Variants in FLACC1 observed in about 807,000 individuals in gnomAD.
FLACC1 encodes the protein flagellum associated containing coiled-coil domains 1.
FLACC1 carries 66 observed loss-of-function variants against 62.8 expected under a neutral mutation model. The ratio of observed to expected loss-of-function variants is 1.05; its 90% CI spans 0.86 to 1.29. FLACC1 has a LOEUF of 1.29. FLACC1 is among the 50% of genes most tolerant of loss of function. FLACC1 has a pLI of 0.00. For synonymous variants in FLACC1, 156 were observed against 161.0 expected (o/e 0.97, Z 0.24); for missense variants, 452 against 489.1 (o/e 0.92, Z 0.71).
At chr2:201,303,961 A>G (rs200718547) in intron 11 of FLACC1, among the ~76,000 whole-genome samples, 1 of 152,216 alleles carries the variant, frequency 6.6e-6, no homozygotes, top group Non-Finnish European at 1.5e-5. Flanking sequence ...TGACAAACCC[A>G]CAGCCAATAT....
intron 7 of FLACC1, among the ~76,000 whole-genome samples, chr2:201,334,919 G>C (rs1376741474): frequency 1.3e-5 from 2 of 152,098 alleles, no homozygotes; most frequent in African/African-American, 4.8e-5. Flanking sequence ...AAGGCACCAG[G>C]TCTGGGTTTT....
At chr2:201,295,540 C>A (rs944071601) in intron 12 of FLACC1, among the ~76,000 whole-genome samples, 45 of 152,248 alleles carry the variant, frequency 3.0e-4, no homozygotes, top group African/African-American at 1.0e-3. Context: ...AAATGTTAGA[C>A]CTAAAACCAT....
chr2:201,289,279 C>T (rs1949670405), intron 14 of FLACC1, among the ~76,000 whole-genome samples, 178 bp downstream of exon 14: 1 of 152,232 alleles, frequency 6.6e-6, no homozygotes. Flanking sequence ...CACTCCACCT[C>T]AAGTGAACTA....
At chr2:201,318,754 T>C (rs183447095) in intron 9 of FLACC1, among the ~76,000 whole-genome samples, 3 of 152,212 alleles carry the variant, frequency 2.0e-5, no homozygotes, top group Non-Finnish European at 4.4e-5. Context: ...TATGATAGAA[T>C]ACTACTCAGT....
intron 14 of FLACC1, 50 bp from the exon 15 acceptor site, chr2:201,288,831 G>T: frequency 6.3e-7 from 1 of 1,598,042 alleles, no homozygotes; most frequent in African/African-American, 1.3e-5. Flanking sequence ...AAGCTAGAAA[G>T]GGTATAGGAT....
At chr2:201,341,585 A>C (rs554763366) in intron 7 of FLACC1, among the ~76,000 whole-genome samples, 7 of 151,468 alleles carry the variant, frequency 4.6e-5, no homozygotes, top group Non-Finnish European at 8.8e-5. Context: ...TACTATATAC[A>C]TATAGTAAAA....
chr2:201,352,192 G>A (rs1415597382), intron 1 of FLACC1: 1 of 152,102 alleles, frequency 6.6e-6, no homozygotes, highest in East Asian at 1.9e-4. Context: ...CTCACTGAAG[G>A]GAAGAGAAAT....
At chr2:201,332,726 C>T (rs76165463) in intron 7 of FLACC1, among the ~76,000 whole-genome samples, 3,255 of 152,168 alleles carry the variant, frequency 0.021, 42 homozygotes, top group Non-Finnish European at 0.029. Context: ...CCCCCACCCC[C>T]TAGTCTCTTT....
At chr2:201,341,343 T>C (rs1194041160) in intron 7 of FLACC1, among the ~76,000 whole-genome samples, 1 of 151,294 alleles carries the variant, frequency 6.6e-6, no homozygotes, top group African/African-American at 2.4e-5. Context: ...CCTTTAAAAA[T>C]AAATTTTATT....
chr2:201,354,796 G>C (rs1197057708), intron 1 of FLACC1, among the ~76,000 whole-genome samples: 1 of 152,206 alleles, frequency 6.6e-6, no homozygotes, highest in Non-Finnish European at 1.5e-5. Context: ...AGAGGCTAAG[G>C]CAGGCCCACT....
Position 201,307,519 on chromosome 2 carries a change from C to T in FLACC1, c.879G>A (p.Glu293=), listed in dbSNP as rs1172811896. The T allele has an allele frequency of 1.2e-6, 2 of 1,613,154 alleles. No individual in the cohort carries two copies. Among genetic ancestry groups the T allele is most frequent in the South Asian group, 2.2e-5 (2 of 91,036 alleles). The change falls in exon 11 of 15, where the codon GAG becomes GAA. Residue 293 remains glutamate (E), a splice_region_variant and synonymous_variant. Transcript: ENST00000392257. Reference sequence around the variant, plus strand: ...ACCAAGGTGCTTTGGGCTGAGTTACCTCCTTCTCTTGAATGAAGTTCTCAA... The same window carrying T: ...ACCAAGGTGCTTTGGGCTGAGTTACTTCCTTCTCTTGAATGAAGTTCTCAA... The part of the protein sequence containing the change: ...AVFENFIQEK[E]ELLKQHQSDT...
Position 201,326,377 on chromosome 2 carries a change from A to G in FLACC1, c.675+4093T>C, listed in dbSNP as rs1375824017. Among the ~76,000 whole-genome samples the G allele has an allele frequency of 1.3e-5, 2 of 152,250 alleles. No homozygotes were observed. Among genetic ancestry groups the G allele is most frequent in the African/African-American group, 4.8e-5 (2 of 41,462 alleles). On this transcript the variant is annotated intron_variant, in intron 9 of 14. Coordinates refer to ENST00000392257, the MANE Select transcript of FLACC1 (RefSeq NM_001127391.3). This position sits in a 1 kb window ranked among gnomAD's most constrained non-coding sequence, Gnocchi z 4.1. Reference sequence around the variant, plus strand: ...TCCAAATTGGAAAAGAAGAAGTCAAACTATTGCTGTTTGAAGATTATATAA... The same window carrying G: ...TCCAAATTGGAAAAGAAGAAGTCAAGCTATTGCTGTTTGAAGATTATATAA...
Position 201,312,239 on chromosome 2 carries a change from T to C in FLACC1, c.676-2989A>G, listed in dbSNP as rs1438835139. On this transcript the variant is annotated intron_variant, in intron 9 of 14. Transcript: ENST00000392257. ...AAACAAGTTCAGTAAAGTTTCAGGA[T>C]ACAAAATCAATGTACAAAAAATAAG... Among the ~76,000 whole-genome samples the C allele has an allele frequency of 3.3e-5, 5 of 152,316 alleles. No individual in the cohort carries two copies. The East Asian group carries it at 9.6e-4, about 29-fold the overall frequency.
chr2:201,333,499 A>C (rs1032506077), intron 7 of FLACC1, among the ~76,000 whole-genome samples: 4 of 151,778 alleles, frequency 2.6e-5, no homozygotes, highest in African/African-American at 9.7e-5. Flanking sequence ...GGTGTGCTGC[A>C]CCCAGTAACT....
At chr2:201,329,897 C>G (rs1950559126) in intron 9 of FLACC1, among the ~76,000 whole-genome samples, 3 of 152,104 alleles carry the variant, frequency 2.0e-5, no homozygotes. Flanking sequence ...AAGTTCATTC[C>G]TTTTGACCAA....
chr2:201,363,279 T>C, the FLACC1 span, among the ~76,000 whole-genome samples: 1 of 151,062 alleles, frequency 6.6e-6, no homozygotes, highest in Non-Finnish European at 1.5e-5. Flanking sequence ...TTCCTGTGTA[T>C]AGATTGTGGT....
At chr2:201,290,063 T>C (rs1354090852) in intron 12 of FLACC1, among the ~76,000 whole-genome samples, 1 of 152,152 alleles carries the variant, frequency 6.6e-6, no homozygotes. Flanking sequence ...TCCAATTATA[T>C]GACACTCTGG....
At chr2:201,358,677 A>G (rs1209621204), upstream of FLACC1, among the ~76,000 whole-genome samples, 1 of 152,010 alleles carries the variant, frequency 6.6e-6, no homozygotes, top group Admixed American at 6.5e-5. Context: ...TCGGCCTCCC[A>G]AAGTGCTGGG....
At chr2:201,291,084 T>C (rs558000758) in intron 12 of FLACC1, among the ~76,000 whole-genome samples, 8 of 152,326 alleles carry the variant, frequency 5.3e-5, no homozygotes, top group Non-Finnish European at 8.8e-5. Flanking sequence ...CCTGCCTCTG[T>C]AGACTCCACC....
Sources: gnomAD v4.1 joint callset for allele counts (sites outside exome capture counted in the v4.1 genomes callset) on GRCh38, gnomAD v4.1.1 for gene constraint, Gnocchi (gnomAD v3.1) non-coding constraint, MANE v1.5 for transcripts, NCBI Gene and HGNC (gene_info 2026-07-23, HGNC 2026-07-21) for gene names.